Variants in DYNLT1 observed in about 807,000 individuals in gnomAD.
The protein encoded by DYNLT1 is T-complex testis-specific protein 1 homolog.
Under a neutral mutation model 19.6 loss-of-function variants are expected in DYNLT1, and 18 were observed. That is an observed-to-expected ratio of 0.92 (90% CI 0.64 to 1.36). DYNLT1 has a LOEUF of 1.36. DYNLT1 is among the 40% of genes most tolerant of loss of function. The probability of loss-of-function intolerance (pLI) is 0.00; values close to 1 mark genes in which losing one functional copy is unlikely to be tolerated. For synonymous variants in DYNLT1, 56 were observed against 44.0 expected (o/e 1.27, Z -1.07); for missense variants, 137 against 139.3 (o/e 0.98, Z 0.08).
At chr6:158,637,594 T>A in intron 3 of DYNLT1, 177 bp downstream of exon 3, 2 of 914,670 alleles carry the variant, frequency 2.2e-6, no homozygotes, top group Non-Finnish European at 3.4e-6. Context: ...CGATCTGCAA[T>A]TGTACCAGCA....
chr6:158,637,188 G>C lies in DYNLT1; in HGVS notation c.211C>G (p.Gln71Glu). Residue 71 changes from glutamine to glutamate, a missense_variant, in exon 4 of 5, where the codon CAG (glutamine) becomes GAG (glutamate). Transcript: ENST00000367089. Reference protein sequence around the residue: ...FKYIVTCVIMQKNGAGLHTAS... With the variant: ...FKYIVTCVIMEKNGAGLHTAS... ...GTGTGTAATCCAGCTCCATTCTTCT[G>C]CATAATTACACAGGTCACTTAAGTT... 1 of 1,614,154 alleles carries C rather than the reference G, an allele frequency of 6.2e-7. No homozygotes were observed. Among genetic ancestry groups the C allele is most frequent in the Non-Finnish European group, 8.5e-7 (1 of 1,180,030 alleles).
intron 2 of DYNLT1, among the ~76,000 whole-genome samples, chr6:158,640,369 G>A (rs754529505): frequency 3.9e-5 from 6 of 152,120 alleles, no homozygotes; most frequent in Non-Finnish European, 1.5e-5. Context: ...ATTAAATTCA[G>A]ATCATCTAAT....
At chr6:158,638,821 T>C (rs1226505311) in intron 2 of DYNLT1, among the ~76,000 whole-genome samples, 1 of 152,220 alleles carries the variant, frequency 6.6e-6, no homozygotes, top group Non-Finnish European at 1.5e-5. Flanking sequence ...TATCTGACAA[T>C]GCAAGCTCAT....
chr6:158,639,204 C>T (rs1024437565), intron 2 of DYNLT1, among the ~76,000 whole-genome samples: 2 of 152,156 alleles, frequency 1.3e-5, no homozygotes, highest in Non-Finnish European at 2.9e-5. Flanking sequence ...TACCCACTGA[C>T]CTGCTGATCA....
chr6:158,641,951 G>A (rs1426143217), intron 1 of DYNLT1: 1 of 152,250 alleles, frequency 6.6e-6, no homozygotes, highest in African/African-American at 2.4e-5. Context: ...TCAACTGGCT[G>A]CTAGAATCAT....
intron 1 of DYNLT1, chr6:158,642,485 G>A (rs1357730888): frequency 6.6e-6 from 1 of 152,234 alleles, no homozygotes; most frequent in South Asian, 2.1e-4. Context: ...TGCATCCTGA[G>A]GGAATCAAGG....
chr6:158,637,363 A>G (rs1244656614), intron 3 of DYNLT1, 158 bp from the exon 4 acceptor site: 1 of 661,772 alleles, frequency 1.5e-6, no homozygotes, highest in Non-Finnish European at 2.6e-6. Flanking sequence ...ATATTGACAA[A>G]TTATAGGTGC....
intron 1 of DYNLT1, chr6:158,642,497 A>G (rs1338263418): frequency 1.3e-5 from 2 of 152,264 alleles, no homozygotes; most frequent in Non-Finnish European, 2.9e-5. Flanking sequence ...GAATCAAGGC[A>G]GAGAACCCTG....
intron 1 of DYNLT1, 71 bp downstream of exon 1, chr6:158,644,611 G>A: frequency 1.9e-6 from 3 of 1,590,894 alleles, no homozygotes; most frequent in East Asian, 2.2e-5. Flanking sequence ...GGCCTTTCCG[G>A]GCAGGACCGC....
Position 158,644,728 on chromosome 6 carries a change from C to T in DYNLT1, c.-20G>A, listed in dbSNP as rs544412996. 5.2e-5 allele frequency: 84 copies of T among 1,609,484 alleles called. No individual in the cohort carries two copies. In the East Asian group the frequency reaches 9.6e-4, roughly 18 times the overall value. ...TTCCATCTTTCCTCCGGCGCGTCCC[C>T]TCCGGCTCCCTGAGTGGCGCGGACT... On this transcript the variant is annotated 5_prime_UTR_variant, in exon 1 of 5. Transcript: ENST00000367089.
At chr6:158,636,921 T>C (rs1300160908) in intron 4 of DYNLT1, 24 bp from the exon 5 acceptor site, 12 of 1,612,426 alleles carry the variant, frequency 7.4e-6, no homozygotes, top group Non-Finnish European at 1.0e-5. Flanking sequence ...GAGAGCAGCA[T>C]TTACGGCAGG....
chr6:158,638,112 T>C (rs777550322), intron 2 of DYNLT1, among the ~76,000 whole-genome samples: 5 of 152,244 alleles, frequency 3.3e-5, no homozygotes, highest in Non-Finnish European at 7.3e-5. Flanking sequence ...TTTACACATT[T>C]TGACCTAATA....
intron 4 of DYNLT1, 48 bp from the exon 5 acceptor site, chr6:158,636,945 C>A (rs187971477): frequency 6.3e-7 from 1 of 1,595,872 alleles, no homozygotes; most frequent in Non-Finnish European, 8.6e-7. Context: ...AGCTGGGGGA[C>A]GACGTTTTAC....
rs778869925 is a variant in DYNLT1, at chr6:158,644,712, T to C, written c.-4A>G. The C allele has an allele frequency of 1.9e-6, 3 of 1,611,446 alleles. No individual in the cohort carries two copies. Among genetic ancestry groups the C allele is most frequent in the Non-Finnish European group, 1.7e-6 (2 of 1,179,682 alleles). ...CCGCAGCCTGGTAGTCTTCCATCTTTCCTCCGGCGCGTCCCCTCCGGCTCC... is the reference window on the plus strand; with the variant it reads ...CCGCAGCCTGGTAGTCTTCCATCTTCCCTCCGGCGCGTCCCCTCCGGCTCC... On this transcript the variant is annotated 5_prime_UTR_variant, in exon 1 of 5. Transcript: ENST00000367089.
chr6:158,639,507 G>A (rs768114301), intron 2 of DYNLT1, among the ~76,000 whole-genome samples: 13 of 152,136 alleles, frequency 8.5e-5, no homozygotes, highest in Non-Finnish European at 1.3e-4. Context: ...TCAAGGAGGA[G>A]GGAACCCTCC....
intron 4 of DYNLT1, 57 bp downstream of exon 4, chr6:158,637,071 A>ACTT: frequency 6.2e-7 from 1 of 1,604,450 alleles, no homozygotes; most frequent in Admixed American, 1.7e-5. Flanking sequence ...AAGATAGGAA[A>ACTT]CTTCCAGTCA....
In DYNLT1 at chr6:158,644,550, C is replaced by T. The variant is rs1273824656; in HGVS notation, c.27+132G>A. Reference sequence around the variant, plus strand: ...GGGCGGAGCGCCGGCGACCGGGAAGCTCAGGCCGTGGGCTGCCGAGACTGG... The same window carrying T: ...GGGCGGAGCGCCGGCGACCGGGAAGTTCAGGCCGTGGGCTGCCGAGACTGG... On this transcript the variant is annotated intron_variant, in intron 1 of 4. Transcript: ENST00000367089. 5 of 1,089,270 alleles carry T rather than the reference C, an allele frequency of 4.6e-6. No homozygotes were observed. The East Asian group carries it at 8.5e-5, about 18-fold the overall frequency. The allele number at this position is 1,089,270 out of a possible 1,614,324, so 67.5% of individuals were successfully genotyped here. A position where few individuals can be genotyped will look rare whatever the true frequency, so the allele number is the denominator to read the frequency against.
chr6:158,636,924 A>C, intron 4 of DYNLT1, 27 bp from the exon 5 acceptor site: 2 of 1,611,234 alleles, frequency 1.2e-6, no homozygotes, highest in Non-Finnish European at 1.7e-6. Flanking sequence ...AGCAGCATTT[A>C]CGGCAGGGAA....
At chr6:158,643,173 C>T (rs74818559) in intron 1 of DYNLT1, among the ~76,000 whole-genome samples, 3,613 of 152,248 alleles carry the variant, frequency 0.024, 159 homozygotes, top group African/African-American at 0.083. Context: ...CAGTATTAAG[C>T]GCTTTCCTTT....
Sources: gnomAD v4.1 joint callset for allele counts (sites outside exome capture counted in the v4.1 genomes callset) on GRCh38, gnomAD v4.1.1 for gene constraint, MANE v1.5 for transcripts, NCBI Gene and HGNC (gene_info 2026-07-23, HGNC 2026-07-21) for gene names.